Variants in PSAT1 observed in about 807,000 individuals in gnomAD.
PSAT1 encodes the protein phosphoserine aminotransferase 1.
Under a neutral mutation model 40.3 loss-of-function variants are expected in PSAT1, and 41 were observed. The observed-to-expected ratio is 1.02, with a 90% CI of 0.79 to 1.32. The LOEUF is 1.32. Ranked by LOEUF, PSAT1 falls within the 40% of genes most tolerant of loss-of-function variation. PSAT1 has a pLI of 0.00. For missense variants in PSAT1, 406 were observed against 455.8 expected (o/e 0.89, Z 0.99); for synonymous variants, 147 against 170.5 (o/e 0.86, Z 1.07).
rs755637654 is a variant in PSAT1, at chr9:78,328,001, C to G, written c.870-50C>G. On this transcript the variant is annotated intron_variant, in intron 7 of 8. Transcript: ENST00000376588. ...AAAAAATCTGTTGATTTGTTTATGA[C>G]AACCCATACATTTCAGAAAAGTAGC... is the stretch of plus-strand genomic sequence containing the variant. 1.9e-6 allele frequency: 3 copies of G among 1,582,572 alleles called. No individual in the cohort carries two copies. The South Asian group carries it at 3.3e-5, about 18-fold the overall frequency.
chr9:78,308,013 T>A (rs972260861), intron 5 of PSAT1, among the ~76,000 whole-genome samples: 3 of 152,072 alleles, frequency 2.0e-5, no homozygotes, highest in African/African-American at 7.2e-5. Flanking sequence ...CACTCCAGCC[T>A]GGGTGCCAGA....
chr9:78,323,040 T>C (rs1828451289), intron 7 of PSAT1, among the ~76,000 whole-genome samples: 1 of 152,188 alleles, frequency 6.6e-6, no homozygotes, highest in Non-Finnish European at 1.5e-5. Flanking sequence ...GGTACAGTGG[T>C]GTGCACAAAA....
chr9:78,321,238 C>T (rs1345954579), intron 7 of PSAT1, among the ~76,000 whole-genome samples: 3 of 152,190 alleles, frequency 2.0e-5, no homozygotes, highest in Non-Finnish European at 4.4e-5. Flanking sequence ...ACTCCCACCA[C>T]CCCCTCAGTT....
intron 2 of PSAT1, 49 bp from the exon 3 acceptor site, chr9:78,301,905 G>C (rs368603587): frequency 2.1e-5 from 30 of 1,409,662 alleles, no homozygotes; most frequent in Middle Eastern, 1.8e-4. Context: ...CTGTTCATTT[G>C]GTTTTGAGCT....
chr9:78,306,183 C>T (rs907756568), intron 4 of PSAT1, 131 bp from the exon 5 acceptor site: 143 of 970,432 alleles, frequency 1.5e-4, no homozygotes, highest in Middle Eastern at 3.1e-4. Context: ...TGCTTTCACT[C>T]GTGCAATGCT....
chr9:78,321,478 T>C (rs1042975150), intron 7 of PSAT1, among the ~76,000 whole-genome samples: 1 of 152,206 alleles, frequency 6.6e-6, no homozygotes, highest in Non-Finnish European at 1.5e-5. Context: ...ATACCTAGAA[T>C]TAGAATTTGC....
chr9:78,310,519 T>C (rs1426634203), intron 6 of PSAT1, among the ~76,000 whole-genome samples: 1 of 152,106 alleles, frequency 6.6e-6, no homozygotes, highest in African/African-American at 2.4e-5. Flanking sequence ...GTGCAGTTAG[T>C]GGTTCCATCT....
At chr9:78,328,316 G>A in intron 8 of PSAT1, 128 bp downstream of exon 8, 3 of 1,108,422 alleles carry the variant, frequency 2.7e-6, no homozygotes, top group South Asian at 2.6e-5. Context: ...GGCCAACCCA[G>A]CTGTTATAAG....
intron 1 of PSAT1, among the ~76,000 whole-genome samples, chr9:78,300,190 C>T (rs73451033): frequency 0.043 from 6,515 of 152,172 alleles, 439 homozygotes; most frequent in African/African-American, 0.14. Context: ...CCCAGTCTAG[C>T]ACCTTAGACC....
intron 6 of PSAT1, among the ~76,000 whole-genome samples, chr9:78,315,031 TG>T: frequency 6.6e-6 from 1 of 151,850 alleles, no homozygotes. Flanking sequence ...GAGGAGCAGT[TG>T]GAAGTGAAGT....
chr9:78,307,581 A>G (rs919915232), intron 5 of PSAT1, among the ~76,000 whole-genome samples: 4 of 152,180 alleles, frequency 2.6e-5, no homozygotes, highest in African/African-American at 4.8e-5. Flanking sequence ...GAGGCATGGG[A>G]GAGGGTTCTG....
chr9:78,322,280 T>C (rs1828439510), intron 7 of PSAT1, among the ~76,000 whole-genome samples: 1 of 152,080 alleles, frequency 6.6e-6, no homozygotes. Context: ...GCGAAGACCC[T>C]AAAATAAAAT....
intron 6 of PSAT1, among the ~76,000 whole-genome samples, chr9:78,314,039 T>C (rs1224748979): frequency 2.6e-4 from 39 of 152,230 alleles, no homozygotes; most frequent in Non-Finnish European, 4.4e-5. Context: ...AACCCTATCC[T>C]GTGTGTTTGC....
intron 3 of PSAT1, among the ~76,000 whole-genome samples, chr9:78,302,465 A>G (rs1236108835): frequency 6.6e-6 from 1 of 152,202 alleles, no homozygotes; most frequent in African/African-American, 2.4e-5. Context: ...AAGGTGGCTC[A>G]TGCCTGTAAT....
intron 6 of PSAT1, among the ~76,000 whole-genome samples, chr9:78,316,380 C>T (rs148964254): frequency 1.1e-4 from 17 of 152,306 alleles, no homozygotes; most frequent in East Asian, 3.9e-4. Context: ...CTTCTCTCAG[C>T]GGGAATGTTG....
At chr9:78,312,224 C>G (rs1253646413) in intron 6 of PSAT1, among the ~76,000 whole-genome samples, 1 of 152,078 alleles carries the variant, frequency 6.6e-6, no homozygotes, top group East Asian at 1.9e-4. Context: ...CACACTAACC[C>G]CAATTAGTGC....
chr9:78,322,099 G>A (rs937164903), intron 7 of PSAT1, among the ~76,000 whole-genome samples: 3 of 149,778 alleles, frequency 2.0e-5, no homozygotes, highest in African/African-American at 7.3e-5. Context: ...GACACACAGT[G>A]CTTATATAAG....
intron 1 of PSAT1, among the ~76,000 whole-genome samples, chr9:78,297,564 C>A (rs903632103): frequency 3.9e-5 from 6 of 152,244 alleles, no homozygotes. Context: ...GCCGGTGCCA[C>A]GCACCTGCAG....
At chr9:78,327,966 T>C in intron 7 of PSAT1, 85 bp from the exon 8 acceptor site, 1 of 1,428,066 alleles carries the variant, frequency 7.0e-7, no homozygotes, top group Non-Finnish European at 9.8e-7. Context: ...ATCTAGGAAG[T>C]GTTAAGAAAA....
Sources: gnomAD v4.1 joint callset for allele counts (sites outside exome capture counted in the v4.1 genomes callset) on GRCh38, gnomAD v4.1.1 for gene constraint, MANE v1.5 for transcripts, NCBI Gene and HGNC (gene_info 2026-07-23, HGNC 2026-07-21) for gene names.